The following EXOC2 variants were observed in gnomAD, a reference collection of about 807,000 sequenced individuals.
EXOC2 encodes SEC5-like 1.
Under a neutral mutation model 131.8 loss-of-function variants are expected in EXOC2, and 70 were observed. The ratio of observed to expected loss-of-function variants is 0.53; its 90% CI spans 0.44 to 0.65. EXOC2 has a LOEUF of 0.65. Ranked by LOEUF, EXOC2 falls within the 30% of genes least tolerant of loss-of-function variation. The pLI is 0.00. For missense variants in EXOC2, 923 were observed against 1,108.6 expected, an observed-to-expected ratio of 0.83 and a Z score of 2.38; for synonymous variants, 411 against 398.4, an observed-to-expected ratio of 1.03 and a Z score of -0.38.
intron 26 of EXOC2, 79 bp downstream of exon 26, chr6:491,046 C>A: frequency 6.9e-7 from 1 of 1,453,684 alleles, no homozygotes; most frequent in Non-Finnish European, 9.7e-7. Flanking sequence ...GATCAGTCAT[C>A]TTTACAGAGG....
intron 22 of EXOC2, among the ~76,000 whole-genome samples, chr6:548,311 T>C (rs952714080): frequency 1.3e-5 from 2 of 152,144 alleles, no homozygotes; most frequent in Non-Finnish European, 2.9e-5. Flanking sequence ...AAAAAGTAGG[T>C]AACCCTGAGT....
intron 7 of EXOC2, among the ~76,000 whole-genome samples, chr6:606,680 G>A (rs749209303): frequency 1.3e-5 from 2 of 152,154 alleles, no homozygotes; most frequent in Non-Finnish European, 2.9e-5. Flanking sequence ...GGTTCTCTGA[G>A]CATTGCTTCC....
chr6:600,765 T>C (rs1427021258), intron 7 of EXOC2, among the ~76,000 whole-genome samples: 1 of 147,580 alleles, frequency 6.8e-6, no homozygotes, highest in Non-Finnish European at 1.5e-5. Flanking sequence ...GAAAAATTTA[T>C]ATGCAGAAAT....
chr6:651,152 T>G (rs1413823293), intron 1 of EXOC2, among the ~76,000 whole-genome samples: 2 of 151,748 alleles, frequency 1.3e-5, no homozygotes, highest in Non-Finnish European at 2.9e-5. Context: ...TGCCTCAGCC[T>G]CCCAAATAGC....
intron 10 of EXOC2, among the ~76,000 whole-genome samples, chr6:594,841 G>A (rs951392831): frequency 1.3e-5 from 2 of 152,136 alleles, no homozygotes; most frequent in Non-Finnish European, 2.9e-5. Context: ...TCAGTATGCA[G>A]CTAAAAATAA....
intron 22 of EXOC2, among the ~76,000 whole-genome samples, chr6:542,335 T>G (rs1756603557): frequency 6.6e-6 from 1 of 152,208 alleles, no homozygotes; most frequent in African/African-American, 2.4e-5. Flanking sequence ...TGCATCTCCA[T>G]TAAACTAATC....
chr6:487,697 G>A (rs370831987), intron 27 of EXOC2, among the ~76,000 whole-genome samples: 5 of 152,128 alleles, frequency 3.3e-5, no homozygotes, highest in African/African-American at 1.2e-4. Context: ...GAGCCACTGC[G>A]CCCGGCCCAA....
chr6:508,631 G>A (rs1007888262), intron 23 of EXOC2, among the ~76,000 whole-genome samples: 15 of 152,188 alleles, frequency 9.9e-5, no homozygotes, highest in African/African-American at 3.6e-4. Flanking sequence ...TTAGTGCCGA[G>A]TAATATTCAT....
rs1757426439 is a variant in EXOC2, at chr6:556,502, G to A, written c.1914C>T (p.Cys638=). 1 of 1,614,084 alleles carries A rather than the reference G, an allele frequency of 6.2e-7. No individual in the cohort carries two copies. Among genetic ancestry groups the A allele is most frequent in the Non-Finnish European group, 8.5e-7 (1 of 1,179,966 alleles). The change falls in exon 18 of 28, where the codon TGC becomes TGT. Residue 638 remains cysteine (C), a synonymous_variant. Coordinates refer to ENST00000230449, the MANE Select transcript of EXOC2 (RefSeq NM_018303.6). The part of the protein sequence containing the change: ...SLQSLKGVLE[C]KPGEASVFQQ... ...TACTTACACTGGCCTCTCCCGGCTT[G>A]CACTCCAGAACCCCCTTCAGTGACT...
At chr6:535,435 T>A (rs1165617131) in intron 22 of EXOC2, among the ~76,000 whole-genome samples, 1 of 151,834 alleles carries the variant, frequency 6.6e-6, no homozygotes, top group Non-Finnish European at 1.5e-5. Context: ...TGGGCAAGAC[T>A]GATGAAGAAA....
intron 5 of EXOC2, 140 bp from the exon 6 acceptor site, chr6:617,975 A>C: frequency 9.9e-7 from 1 of 1,005,042 alleles, no homozygotes; most frequent in Non-Finnish European, 1.3e-6. Flanking sequence ...AGCCAGATGA[A>C]ATCAAAAAGC....
At chr6:507,955 G>A (rs1360098613) in intron 23 of EXOC2, among the ~76,000 whole-genome samples, 2 of 152,200 alleles carry the variant, frequency 1.3e-5, no homozygotes, top group African/African-American at 2.4e-5. Flanking sequence ...AAAGAACACA[G>A]TTGCCCAATA....
At chr6:682,985 C>A (rs772862174) in intron 1 of EXOC2, among the ~76,000 whole-genome samples, 6 of 152,166 alleles carry the variant, frequency 3.9e-5, no homozygotes, top group Non-Finnish European at 2.9e-5. Flanking sequence ...GATTCCAGAT[C>A]AGTTGAGGCA....
rs936812337 is a variant in EXOC2, at chr6:637,950, T to C, written c.-43-89A>G. Reference sequence around the variant, plus strand: ...GAATGCTAGACAGTCAGTACCAAAATATAAAAAGTATTCTTAAACACAGAG... The same window carrying C: ...GAATGCTAGACAGTCAGTACCAAAACATAAAAAGTATTCTTAAACACAGAG... On this transcript the variant is annotated intron_variant, in intron 1 of 27. Coordinates refer to ENST00000230449, the MANE Select transcript of EXOC2 (RefSeq NM_018303.6). 8.4e-6 allele frequency: 7 copies of C among 831,528 alleles called. No homozygotes were observed. The African/African-American group carries it at 1.0e-4, about 12-fold the overall frequency. 51.5% of individuals were successfully genotyped at this position (831,528 alleles called of 1,614,324 possible). A position where few individuals can be genotyped will look rare whatever the true frequency, so the allele number is the denominator to read the frequency against.
At chr6:657,205 G>C in intron 1 of EXOC2, 1 of 361,728 alleles carries the variant, frequency 2.8e-6, no homozygotes, top group Non-Finnish European at 4.9e-6. Flanking sequence ...TTTCCACTCC[G>C]GTTATAAGAA....
intron 25 of EXOC2, among the ~76,000 whole-genome samples, chr6:491,688 C>T (rs1488362957): frequency 2.0e-5 from 3 of 152,140 alleles, no homozygotes; most frequent in African/African-American, 4.8e-5. Flanking sequence ...AAAATCACAG[C>T]TGCTTTTTTT....
rs556998261 is a variant in EXOC2 at position 516,148 on chromosome 6, A to G, written c.2380+16321T>C. Among the ~76,000 whole-genome samples the G allele has an allele frequency of 5.3e-5, 8 of 152,312 alleles. No homozygotes were observed. The East Asian group carries it at 1.3e-3, about 26-fold the overall frequency. ...ACTCCACCCATCCAAATACTGAGAC[A>G]GTCCTGAAAGCGTTTCATTAAATCT... is the stretch of plus-strand genomic sequence containing the variant. On this transcript the variant is annotated intron_variant, in intron 23 of 27. Coordinates refer to ENST00000230449, the MANE Select transcript of EXOC2 (RefSeq NM_018303.6).
At position 693,062 on chromosome 6, in the gene EXOC2, C is replaced by G. The variant is rs1413920112; in HGVS notation, c.-87G>C. 1 of 152,428 alleles carries G rather than the reference C, an allele frequency of 6.6e-6. No homozygotes were observed. The highest frequency in any genetic ancestry group is 1.5e-5 in the Non-Finnish European group (1 of 68,196). The allele number at this position is 152,428 out of a possible 1,614,324, so 9.4% of individuals were successfully genotyped here. A position where few individuals can be genotyped will look rare whatever the true frequency, so the allele number is the denominator to read the frequency against. ...AGCTCACGGCCGGCACAGACAGGGC[C>G]CGGTAGGTCTCGCCGAAGACTCCGC... is the stretch of plus-strand genomic sequence containing the variant. On this transcript the variant is annotated 5_prime_UTR_variant, in exon 1 of 28. Coordinates refer to ENST00000230449, the MANE Select transcript of EXOC2 (RefSeq NM_018303.6).
rs148863771 is a variant in EXOC2, at chr6:543,115, A to G, written c.2238+6060T>C. On this transcript the variant is annotated intron_variant, in intron 22 of 27. Transcript: ENST00000230449. ...GCAAAAGGGCTAAGCTTGGACAGGA[A>G]CAGCAAATTAGAGAGGTAGAGAAGG... Among the ~76,000 whole-genome samples, 286 of 152,366 alleles carry G rather than the reference A, an allele frequency of 1.9e-3. 2 individuals are homozygous for G. Among genetic ancestry groups the G allele is most frequent in the African/African-American group, 6.5e-3 (272 of 41,592 alleles).
Sources: gnomAD v4.1 joint callset for allele counts (sites outside exome capture counted in the v4.1 genomes callset) on GRCh38, gnomAD v4.1.1 for gene constraint, MANE v1.5 for transcripts, NCBI Gene and HGNC (gene_info 2026-07-23, HGNC 2026-07-21) for gene names.